Variants in IL3RA observed in about 807,000 individuals in gnomAD.
The protein encoded by IL3RA is interleukin-3 receptor subunit alpha.
A neutral mutation model predicts 52.3 loss-of-function variants in IL3RA; 73 were observed. The ratio of observed to expected loss-of-function variants is 1.40; its 90% CI spans 1.16 to 1.70. IL3RA has a LOEUF of 1.70. Among genes scored for constraint, IL3RA ranks in the 40% most tolerant of loss-of-function variants. The pLI, the probability that IL3RA is intolerant of heterozygous loss-of-function variation, is 0.00. For synonymous variants in IL3RA, 260 were observed against 194.0 expected (o/e 1.34, Z -2.83); for missense variants, 664 against 504.4 (o/e 1.32, Z -3.03).
At chrX:1,343,403 G>T (rs1211436233) in intron 2 of IL3RA, among the ~76,000 whole-genome samples, 1 of 151,936 alleles carries the variant, frequency 6.6e-6, no homozygotes, top group East Asian at 1.9e-4. Context: ...AACGGCTCAC[G>T]TCTGTAATCC....
At chrX:1,342,565 T>C in intron 2 of IL3RA, among the ~76,000 whole-genome samples, 1 of 148,752 alleles carries the variant, frequency 6.7e-6, no homozygotes. Context: ...ACTTCTTTTT[T>C]TTTTTTTTTT....
chrX:1,358,677 A>C (rs1222802836), intron 7 of IL3RA, among the ~76,000 whole-genome samples, 184 bp from the exon 8 acceptor site: 1 of 151,984 alleles, frequency 6.6e-6, no homozygotes, highest in Non-Finnish European at 1.5e-5. Context: ...ATAAACAAAC[A>C]AACCTTTTGG....
intron 3 of IL3RA, among the ~76,000 whole-genome samples, chrX:1,347,393 C>G (rs1386149249): frequency 6.6e-6 from 1 of 151,038 alleles, no homozygotes; most frequent in Non-Finnish European, 1.5e-5. Flanking sequence ...TGCAGTGAGC[C>G]GAGATCGCGC....
rs532702103 is a variant in IL3RA, at chrX:1,339,231, T to C, written c.-39+2305T>C. On this transcript the variant is annotated intron_variant, in intron 1 of 11. Coordinates refer to ENST00000331035, the MANE Select transcript of IL3RA (RefSeq NM_002183.4). ...CTGGACCACAGCCCCTACAGGCAAG[T>C]GTGACTGTGTGTGGTGAGCCCATGA... Among the ~76,000 whole-genome samples, 76 of 152,214 alleles carry C rather than the reference T, an allele frequency of 5.0e-4. No individual in the cohort carries two copies. In the South Asian group the frequency reaches 0.012, roughly 23 times the overall value.
At chrX:1,379,733 TG>T (rs1311127210) in intron 10 of IL3RA, among the ~76,000 whole-genome samples, 1 of 152,232 alleles carries the variant, frequency 6.6e-6, no homozygotes, top group Non-Finnish European at 1.5e-5. Context: ...TCGAGGTTTT[TG>T]GTCACCAGCT....
intron 7 of IL3RA, among the ~76,000 whole-genome samples, chrX:1,358,519 C>T (rs1367377728): frequency 2.0e-5 from 3 of 152,096 alleles, no homozygotes; most frequent in African/African-American, 4.8e-5. Context: ...ATTAGCCAGG[C>T]GTGGTGGCAC....
chrX:1,358,712 C>T (rs1430755753), intron 7 of IL3RA, 149 bp from the exon 8 acceptor site: 3 of 632,050 alleles, frequency 4.7e-6, no homozygotes, highest in Non-Finnish European at 8.6e-6. Context: ...CTCCTAAGCT[C>T]ATTATTTTGC....
chrX:1,367,449 G>C (rs2088185471), intron 9 of IL3RA, among the ~76,000 whole-genome samples: 4 of 70,550 alleles, frequency 5.7e-5, no homozygotes, highest in African/African-American at 2.1e-4. Flanking sequence ...CCGGGTGCGC[G>C]GGGTGAGCGG....
chrX:1,381,210 C>T, intron 11 of IL3RA, 106 bp downstream of exon 11: 2 of 949,728 alleles, frequency 2.1e-6, no homozygotes, highest in Admixed American at 3.8e-5. Context: ...ACCAGCCTGG[C>T]CAACATGGAG....
At chrX:1,353,846 CCATCATGGGTTT>C (rs1368023625) in intron 6 of IL3RA, among the ~76,000 whole-genome samples, 2 of 145,664 alleles carry the variant, frequency 1.4e-5, no homozygotes, top group African/African-American at 2.6e-5. Flanking sequence ...ATGGGAACCC[CCATCATGGGTTT>C]CATCATGGGT....
In IL3RA at chrX:1,341,737, C is replaced by G. The variant is rs771983438; in HGVS notation, c.-29C>G. ...CTCGTTTCTCCTGCAGCAGGCACCT[C>G]TGTCCTGCGTTCCGGAGCTGCGTTC... On this transcript the variant is annotated 5_prime_UTR_variant, in exon 2 of 12. Coordinates refer to ENST00000331035, the MANE Select transcript of IL3RA (RefSeq NM_002183.4). 1.2e-6 allele frequency: 2 copies of G among 1,613,284 alleles called. No homozygotes were observed. The highest frequency in any genetic ancestry group is 1.3e-5 in the African/African-American group (1 of 74,904).
intron 1 of IL3RA, among the ~76,000 whole-genome samples, chrX:1,341,354 C>G (rs759541438): frequency 6.6e-6 from 1 of 151,900 alleles, no homozygotes; most frequent in Admixed American, 6.6e-5. Flanking sequence ...CAGATACACA[C>G]GGGCACAAAA....
Position 1,382,506 on chromosome X carries a change from C to G in IL3RA, c.*41C>G. The G allele has an allele frequency of 2.5e-6, 4 of 1,590,604 alleles. 1 individual carries two copies. In the African/African-American group the frequency reaches 5.4e-5, roughly 21 times the overall value. ...CTTGTGGGGGTCTGCCTCAATCTCC[C>G]TGGCCGGGCCAGGCGCCTGCACAGA... On this transcript the variant is annotated 3_prime_UTR_variant, in exon 12 of 12. Transcript: ENST00000331035.
rs192998348 is a variant in IL3RA, at chrX:1,339,521, C to T, written c.-38-2207C>T. On this transcript the variant is annotated intron_variant, in intron 1 of 11. Coordinates refer to ENST00000331035, the MANE Select transcript of IL3RA (RefSeq NM_002183.4). ...TCTTTAAAAGATGTTAGGCCGGGCGCGGTGGCTCACGCCTGTCATCCCAGC... is the reference window on the plus strand; with the variant it reads ...TCTTTAAAAGATGTTAGGCCGGGCGTGGTGGCTCACGCCTGTCATCCCAGC... 1.1e-4 allele frequency among the ~76,000 whole-genome samples: 16 copies of T among 152,272 alleles called. No individual in the cohort carries two copies. In the East Asian group the frequency reaches 2.1e-3, roughly 20 times the overall value.
At chrX:1,346,854 C>G (rs1430152132) in intron 3 of IL3RA, among the ~76,000 whole-genome samples, 2 of 151,282 alleles carry the variant, frequency 1.3e-5, no homozygotes, top group East Asian at 3.9e-4. Context: ...TATGTTCGTT[C>G]AATACAATTC....
chrX:1,354,408 G>C (rs1484149851), intron 6 of IL3RA, among the ~76,000 whole-genome samples: 11 of 150,830 alleles, frequency 7.3e-5, no homozygotes, highest in Non-Finnish European at 1.2e-4. Context: ...AGGGTGCTCG[G>C]ATGCTTCAGA....
At chrX:1,368,183 C>T (rs1469911249) in intron 9 of IL3RA, among the ~76,000 whole-genome samples, 2 of 151,278 alleles carry the variant, frequency 1.3e-5, no homozygotes, top group Admixed American at 6.6e-5. Context: ...GGCGTGAACC[C>T]GGGAGGCGGA....
intron 3 of IL3RA, among the ~76,000 whole-genome samples, chrX:1,347,182 C>T (rs1361384075): frequency 6.6e-6 from 1 of 150,444 alleles, no homozygotes; most frequent in African/African-American, 2.5e-5. Flanking sequence ...CGTGGTGGCT[C>T]ACGCCTGTCA....
chrX:1,362,086 GTCTC>G (rs1175505048), intron 8 of IL3RA, among the ~76,000 whole-genome samples: 15 of 149,618 alleles, frequency 1.0e-4, no homozygotes, highest in Middle Eastern at 6.9e-3. Context: ...TTCTATCTCT[GTCTC>G]TCTCTGTCCA....
Sources: gnomAD v4.1 joint callset for allele counts (sites outside exome capture counted in the v4.1 genomes callset) on GRCh38, gnomAD v4.1.1 for gene constraint, MANE v1.5 for transcripts, NCBI Gene and HGNC (gene_info 2026-07-23, HGNC 2026-07-21) for gene names.